Variants in NEDD9 observed in about 807,000 individuals in gnomAD.
The protein encoded by NEDD9 is enhancer of filamentation 1.
NEDD9 carries 26 observed loss-of-function variants against 76.6 expected under a neutral mutation model. That is an observed-to-expected ratio of 0.34 (90% CI 0.25 to 0.47). The LOEUF (loss-of-function observed/expected upper bound fraction) is 0.47. Ranked by LOEUF, NEDD9 falls within the 20% of genes least tolerant of loss-of-function variation. The pLI is 1.00. For missense variants in NEDD9, 937 were observed against 1,058.5 expected (o/e 0.89, Z 1.59); for synonymous variants, 392 against 414.2 (o/e 0.95, Z 0.65).
intron 3 of NEDD9, among the ~76,000 whole-genome samples, chr6:11,281,955 T>TCTAG (rs1490146872): frequency 1.3e-5 from 2 of 152,040 alleles, no homozygotes; most frequent in African/African-American, 4.8e-5. Flanking sequence ...GCCAGGCTTG[T>TCTAG]CTAGATCTCC....
In NEDD9 at chr6:11,346,484, C is replaced by CT. The variant is rs576907050; in HGVS notation, c.-213-11924_-213-11923insA. Among the ~76,000 whole-genome samples the CT allele has an allele frequency of 7.9e-5, 12 of 151,850 alleles. 1 individual carries two copies. Among genetic ancestry groups the CT allele is most frequent in the Admixed American group, 5.2e-4 (8 of 15,256 alleles). Reference sequence around the variant, plus strand: ...TTATAAGAAGGCTCGGAGGCCCCCCCCCCCGAGGTGAGTGGAAAGCCCTCT... The same window carrying CT: ...TTATAAGAAGGCTCGGAGGCCCCCCCTCCCCGAGGTGAGTGGAAAGCCCTCT... On this transcript the variant is annotated intron_variant, in intron 1 of 3. Transcript: ENST00000397378.
At chr6:11,201,704 A>AAT (rs3837001) in intron 2 of NEDD9, among the ~76,000 whole-genome samples, 41,031 of 151,706 alleles carry the variant, frequency 0.27, 6,615 homozygotes, top group African/African-American at 0.45. Context: ...AAAAATTACA[A>AAT]ATATATATAT....
chr6:11,186,291 C>T (rs1757980059), intron 6 of NEDD9, among the ~76,000 whole-genome samples: 1 of 152,118 alleles, frequency 6.6e-6, no homozygotes, highest in Admixed American at 6.5e-5. Flanking sequence ...CTAAGGCAGT[C>T]TGAATGGGAA....
intron 2 of NEDD9, among the ~76,000 whole-genome samples, chr6:11,197,214 T>C (rs1201361775): frequency 6.6e-6 from 1 of 151,730 alleles, no homozygotes; most frequent in Non-Finnish European, 1.5e-5. Flanking sequence ...CTCAATGAAA[T>C]CAAGTCAGGT....
chr6:11,381,392 C>T (rs1344894163), intron 1 of NEDD9, among the ~76,000 whole-genome samples: 1 of 152,142 alleles, frequency 6.6e-6, no homozygotes, highest in Non-Finnish European at 1.5e-5. Context: ...CCTTTCAGAA[C>T]GATTGTCCCC....
At chr6:11,311,999 G>A (rs1761387007) in intron 2 of NEDD9, among the ~76,000 whole-genome samples, 1 of 152,070 alleles carries the variant, frequency 6.6e-6, no homozygotes, top group African/African-American at 2.4e-5. Flanking sequence ...TAGTCTGTCT[G>A]GGTGTTTCTC....
At chr6:11,209,670 C>T (rs906548601) in intron 2 of NEDD9, among the ~76,000 whole-genome samples, 4 of 152,160 alleles carry the variant, frequency 2.6e-5, no homozygotes, top group Admixed American at 6.5e-5. Flanking sequence ...TAGTATCATT[C>T]CCATTAAACA....
At chr6:11,259,370 C>A (rs962894248) in intron 3 of NEDD9, among the ~76,000 whole-genome samples, 6 of 152,168 alleles carry the variant, frequency 3.9e-5, no homozygotes, top group African/African-American at 1.4e-4. Flanking sequence ...ATTTCGGATT[C>A]CTGTAAATTA....
At chr6:11,376,708 C>A (rs1238501317) in intron 1 of NEDD9, among the ~76,000 whole-genome samples, 1 of 152,166 alleles carries the variant, frequency 6.6e-6, no homozygotes, top group Non-Finnish European at 1.5e-5. Context: ...TGCAGCCTGG[C>A]TCTGTGGTAG....
intron 1 of NEDD9, among the ~76,000 whole-genome samples, chr6:11,350,732 C>T (rs540753757): frequency 6.6e-6 from 1 of 152,242 alleles, no homozygotes; most frequent in South Asian, 2.1e-4. Context: ...GGGGATATGA[C>T]TAAGACACTG....
intron 2 of NEDD9, among the ~76,000 whole-genome samples, chr6:11,210,291 G>A (rs561607308): frequency 2.0e-5 from 3 of 152,084 alleles, no homozygotes; most frequent in East Asian, 1.9e-4. Flanking sequence ...TACCTCTCTG[G>A]GTGATTCTAT....
chr6:11,202,024 A>G (rs1000359528), intron 2 of NEDD9, among the ~76,000 whole-genome samples: 1 of 148,258 alleles, frequency 6.7e-6, no homozygotes, highest in African/African-American at 2.6e-5. Context: ...GTAACCCAGG[A>G]TGTGCTCAGG....
chr6:11,356,867 C>G lies in NEDD9; in HGVS notation c.-213-22306G>C, dbSNP rs529566903. On this transcript the variant is annotated intron_variant, in intron 1 of 3. Transcript: ENST00000397378. ...AAGAATATTGTGAATTACACCCCTTCGCATGTAAGAAAAGTTTCTGCTGGT... is the reference window on the plus strand; with the variant it reads ...AAGAATATTGTGAATTACACCCCTTGGCATGTAAGAAAAGTTTCTGCTGGT... Among the ~76,000 whole-genome samples, 6 of 152,252 alleles carry G rather than the reference C, an allele frequency of 3.9e-5. No homozygotes were observed. In the South Asian group the frequency reaches 1.2e-3, roughly 32 times the overall value.
At chr6:11,346,491 G>A (rs1582041447) in intron 1 of NEDD9, among the ~76,000 whole-genome samples, 1 of 149,068 alleles carries the variant, frequency 6.7e-6, no homozygotes, top group Non-Finnish European at 1.5e-5. Flanking sequence ...CCCCCCCCGA[G>A]GTGAGTGGAA....
chr6:11,348,757 A>C (rs7775415), intron 1 of NEDD9, among the ~76,000 whole-genome samples: 1 of 152,282 alleles, frequency 6.6e-6, no homozygotes, highest in South Asian at 2.1e-4. Context: ...TCCTTATACT[A>C]TATACAAAAA....
intron 1 of NEDD9, among the ~76,000 whole-genome samples, chr6:11,340,848 T>C (rs999766680): frequency 3.1e-4 from 47 of 152,200 alleles, no homozygotes; most frequent in Admixed American, 2.6e-3. Flanking sequence ...CCAATGACTT[T>C]TCATCTCACT....
exon 1 of NEDD9, chr6:11,382,239 G>A (rs1763077235): frequency 6.6e-6 from 1 of 152,274 alleles, no homozygotes; most frequent in Non-Finnish European, 1.5e-5. Context: ...CCTGCTGCAT[G>A]CTCATGTTTC....
intron 1 of NEDD9, among the ~76,000 whole-genome samples, chr6:11,344,664 T>C (rs1160792199): frequency 6.6e-6 from 1 of 152,222 alleles, no homozygotes; most frequent in Non-Finnish European, 1.5e-5. Flanking sequence ...GTGACTACAA[T>C]CTGCTTGGTG....
intron 2 of NEDD9, among the ~76,000 whole-genome samples, chr6:11,204,215 G>A (rs1258990930): frequency 6.6e-6 from 1 of 152,186 alleles, no homozygotes; most frequent in African/African-American, 2.4e-5. Flanking sequence ...AGCGGTATAC[G>A]TTTCTCAATG....
Sources: gnomAD v4.1 joint callset for allele counts (sites outside exome capture counted in the v4.1 genomes callset) on GRCh38, gnomAD v4.1.1 for gene constraint, MANE v1.5 for transcripts, NCBI Gene and HGNC (gene_info 2026-07-23, HGNC 2026-07-21) for gene names.